Variants in RPH3A observed in about 807,000 individuals in gnomAD.
The protein encoded by RPH3A is rabphilin 3A, also known as rabphilin-3A.
RPH3A carries 48 observed loss-of-function variants against 102.2 expected under a neutral mutation model. The ratio of observed to expected loss-of-function variants is 0.47; its 90% CI spans 0.37 to 0.60. RPH3A has a LOEUF of 0.60. RPH3A is among the 20% of genes least tolerant of loss of function. The pLI is 0.00. For missense variants in RPH3A, 781 were observed against 910.1 expected (o/e 0.86, Z 1.83); for synonymous variants, 310 against 324.3 (o/e 0.96, Z 0.47).
At chr12:112,730,481 G>C (rs11066393) in intron 1 of RPH3A, among the ~76,000 whole-genome samples, 4,445 of 152,298 alleles carry the variant, frequency 0.029, 227 homozygotes, top group East Asian at 0.23. Context: ...GGCCATGTCA[G>C]CCCAATGCTG....
chr12:112,885,457 A>G (rs966215641), intron 16 of RPH3A, among the ~76,000 whole-genome samples: 1 of 152,190 alleles, frequency 6.6e-6, no homozygotes, highest in Non-Finnish European at 1.5e-5. Flanking sequence ...ACTTTCTCTA[A>G]TGTACACTAT....
At chr12:112,716,919 A>G (rs117058160) in intron 1 of RPH3A, among the ~76,000 whole-genome samples, 59 of 152,350 alleles carry the variant, frequency 3.9e-4, no homozygotes, top group Middle Eastern at 3.4e-3. Context: ...TGGACAAGAC[A>G]AGCAAGTAAC....
chr12:112,579,363 G>C (rs781155513), intron 1 of RPH3A, among the ~76,000 whole-genome samples: 3 of 152,102 alleles, frequency 2.0e-5, no homozygotes, highest in Non-Finnish European at 4.4e-5. Flanking sequence ...TCAGAACAAA[G>C]TTATCCCAGG....
intron 1 of RPH3A, among the ~76,000 whole-genome samples, chr12:112,646,115 A>G (rs908711119): frequency 2.0e-5 from 3 of 152,148 alleles, no homozygotes; most frequent in African/African-American, 7.2e-5. Flanking sequence ...CATATAGTAA[A>G]TGTTCATTAA....
intron 1 of RPH3A, among the ~76,000 whole-genome samples, chr12:112,726,609 G>C (rs2040592419): frequency 6.6e-6 from 1 of 152,090 alleles, no homozygotes; most frequent in African/African-American, 2.4e-5. Context: ...AATTATAAAA[G>C]TTTGGCCATA....
At chr12:112,618,666 ATTATT>A (rs1353084398) in intron 1 of RPH3A, among the ~76,000 whole-genome samples, 4 of 152,194 alleles carry the variant, frequency 2.6e-5, no homozygotes, top group Non-Finnish European at 5.9e-5. Flanking sequence ...TACTACACAT[ATTATT>A]TTATAATTTG....
chr12:112,839,869 G>A (rs2042113460), intron 4 of RPH3A, among the ~76,000 whole-genome samples: 1 of 152,136 alleles, frequency 6.6e-6, no homozygotes, highest in Non-Finnish European at 1.5e-5. Flanking sequence ...CATGCCTGTA[G>A]TCCCAGCTAC....
At chr12:112,793,073 G>C (rs1187976943) in intron 2 of RPH3A, among the ~76,000 whole-genome samples, 3 of 152,176 alleles carry the variant, frequency 2.0e-5, no homozygotes, top group Non-Finnish European at 4.4e-5. Context: ...CCAGGCTTCA[G>C]CTTCAGTTTT....
chr12:112,735,171 C>T (rs1300518137), intron 1 of RPH3A, among the ~76,000 whole-genome samples: 16 of 152,148 alleles, frequency 1.1e-4, no homozygotes. Flanking sequence ...GAAAATCGCC[C>T]AAGGAAGAAA....
intron 1 of RPH3A, among the ~76,000 whole-genome samples, chr12:112,734,609 C>G (rs1262144608): frequency 6.6e-6 from 1 of 152,180 alleles, no homozygotes; most frequent in Non-Finnish European, 1.5e-5. Context: ...GGCAGAGCAG[C>G]AGCTTGGGCT....
intron 1 of RPH3A, among the ~76,000 whole-genome samples, chr12:112,727,411 A>ATG (rs2040599241): frequency 7.0e-6 from 1 of 143,210 alleles, no homozygotes; most frequent in Non-Finnish European, 1.5e-5. Context: ...AAAAAAATAT[A>ATG]TATATATATA....
intron 1 of RPH3A, among the ~76,000 whole-genome samples, chr12:112,753,900 C>T (rs987547055): frequency 2.0e-5 from 3 of 152,104 alleles, no homozygotes; most frequent in African/African-American, 7.2e-5. Flanking sequence ...TCATGGATTA[C>T]AATGATCTTT....
chr12:112,869,712 A>T, intron 8 of RPH3A, 47 bp from the exon 9 acceptor site: 1 of 1,590,900 alleles, frequency 6.3e-7, no homozygotes. Flanking sequence ...GGTTTTCCAG[A>T]CACCAGAAAA....
At chr12:112,810,139 A>C (rs2041544377) in intron 2 of RPH3A, among the ~76,000 whole-genome samples, 1 of 152,212 alleles carries the variant, frequency 6.6e-6, no homozygotes, top group African/African-American at 2.4e-5. Flanking sequence ...TGCTTCTTTA[A>C]GAAGGAAATG....
At chr12:112,726,130 TG>T (rs1198368959) in intron 1 of RPH3A, among the ~76,000 whole-genome samples, 2 of 137,178 alleles carry the variant, frequency 1.5e-5, no homozygotes, top group African/African-American at 5.5e-5. Context: ...TACTGGGGAG[TG>T]GGGGATGGAG....
At chr12:112,699,027 C>G (rs1395262356) in intron 1 of RPH3A, among the ~76,000 whole-genome samples, 1 of 151,394 alleles carries the variant, frequency 6.6e-6, no homozygotes, top group Non-Finnish European at 1.5e-5. Flanking sequence ...CTCAAGTGAT[C>G]CTCCTACCTC....
At chr12:112,621,423 T>C (rs1592911612) in intron 1 of RPH3A, among the ~76,000 whole-genome samples, 2 of 148,704 alleles carry the variant, frequency 1.3e-5, no homozygotes, top group African/African-American at 5.0e-5. Flanking sequence ...GGAGTTCCCT[T>C]TCCGAGTCAA....
chr12:112,755,395 G>A (rs2040817312), intron 1 of RPH3A, among the ~76,000 whole-genome samples: 1 of 151,760 alleles, frequency 6.6e-6, no homozygotes, highest in Admixed American at 6.6e-5. Flanking sequence ...GTACTGTTGA[G>A]TTATTGGCCC....
At chr12:112,892,427 G>C (rs2043113405) in intron 19 of RPH3A, among the ~76,000 whole-genome samples, 1 of 152,178 alleles carries the variant, frequency 6.6e-6, no homozygotes, top group Admixed American at 6.5e-5. Context: ...AGTTTGGGTA[G>C]AAACAATCTT....
Sources: gnomAD v4.1 joint callset for allele counts (sites outside exome capture counted in the v4.1 genomes callset) on GRCh38, gnomAD v4.1.1 for gene constraint, MANE v1.5 for transcripts, NCBI Gene and HGNC (gene_info 2026-07-23, HGNC 2026-07-21) for gene names.